Variants in PRKAR2B observed in about 807,000 individuals in gnomAD.
PRKAR2B encodes the protein protein kinase cAMP-dependent type II regulatory subunit beta.
Under a neutral mutation model 49.9 loss-of-function variants are expected in PRKAR2B, and 14 were observed. The ratio of observed to expected loss-of-function variants is 0.28; its 90% CI spans 0.19 to 0.44. The LOEUF (loss-of-function observed/expected upper bound fraction) is 0.44. Ranked by LOEUF, PRKAR2B falls within the 20% of genes least tolerant of loss-of-function variation. The probability of loss-of-function intolerance (pLI) is 1.00; values close to 1 mark genes in which losing one functional copy is unlikely to be tolerated. For synonymous variants in PRKAR2B, 196 were observed against 197.7 expected (o/e 0.99, Z 0.07); for missense variants, 393 against 537.9 (o/e 0.73, Z 2.67).
intron 2 of PRKAR2B, among the ~76,000 whole-genome samples, chr7:107,071,776 G>A (rs144342539): frequency 2.0e-4 from 31 of 152,212 alleles, no homozygotes; most frequent in East Asian, 7.7e-4. Context: ...TACATTATAC[G>A]TATCATTGGC....
At chr7:107,149,960 G>A (rs997441814) in intron 6 of PRKAR2B, among the ~76,000 whole-genome samples, 3 of 151,588 alleles carry the variant, frequency 2.0e-5, no homozygotes, top group Admixed American at 6.6e-5. Flanking sequence ...AACATCTCAT[G>A]TACCCCATAA....
chr7:107,151,095 A>G, intron 7 of PRKAR2B, 72 bp downstream of exon 7: 1 of 875,396 alleles, frequency 1.1e-6, no homozygotes, highest in Non-Finnish European at 1.6e-6. Flanking sequence ...ATTTAGTTCT[A>G]TAGAAAAATT....
Position 107,159,838 on chromosome 7 carries a change from T to C in PRKAR2B, c.*256T>C, listed in dbSNP as rs1161438699. Reference sequence around the variant, plus strand: ...ACTCCACAAAATTATGACTGAAAGGTTTATTAAAATGATTGTAATATATAG... The same window carrying C: ...ACTCCACAAAATTATGACTGAAAGGCTTATTAAAATGATTGTAATATATAG... On this transcript the variant is annotated 3_prime_UTR_variant, in exon 11 of 11. Coordinates refer to ENST00000265717, the MANE Select transcript of PRKAR2B (RefSeq NM_002736.3). 2.8e-6 allele frequency: 1 copy of C among 357,712 alleles called. No individual in the cohort carries two copies. Among genetic ancestry groups the C allele is most frequent in the African/African-American group, 2.1e-5 (1 of 47,916 alleles). The allele number at this position is 357,712 out of a possible 1,614,324, so 22.2% of individuals were successfully genotyped here. A position where few individuals can be genotyped will look rare whatever the true frequency, so the allele number is the denominator to read the frequency against.
At chr7:107,075,297 T>G (rs964124784) in intron 2 of PRKAR2B, among the ~76,000 whole-genome samples, 1 of 152,024 alleles carries the variant, frequency 6.6e-6, no homozygotes, top group Admixed American at 6.6e-5. Context: ...GAGACAGGGT[T>G]TCACCATGTT....
In PRKAR2B at chr7:107,075,324, A is replaced by G. The variant is rs983783123; in HGVS notation, c.343+5008A>G. On this transcript the variant is annotated intron_variant, in intron 2 of 10. Transcript: ENST00000265717. ...CACCATGTTGGCCAGGATGGTCTCAATCTCCTGACCTCGTGATCCGCCCAC... is the reference window on the plus strand; with the variant it reads ...CACCATGTTGGCCAGGATGGTCTCAGTCTCCTGACCTCGTGATCCGCCCAC... Among the ~76,000 whole-genome samples, 7 of 151,622 alleles carry G rather than the reference A, an allele frequency of 4.6e-5. 1 individual carries two copies. Among genetic ancestry groups the G allele is most frequent in the Admixed American group, 4.6e-4 (7 of 15,254 alleles).
chr7:107,078,970 A>T (rs1484024316), intron 2 of PRKAR2B, among the ~76,000 whole-genome samples: 1 of 152,194 alleles, frequency 6.6e-6, no homozygotes, highest in Admixed American at 6.5e-5. Flanking sequence ...TTGCCAGTCG[A>T]TGTGGAAGGG....
intron 7 of PRKAR2B, 21 bp from the exon 8 acceptor site, chr7:107,153,156 A>G (rs749275663): frequency 1.3e-6 from 2 of 1,584,442 alleles, no homozygotes; most frequent in East Asian, 4.5e-5. Context: ...TCTATTTAAT[A>G]TTGTTTTTCT....
chr7:107,096,013 C>T (rs1794829393), intron 2 of PRKAR2B, among the ~76,000 whole-genome samples: 1 of 152,110 alleles, frequency 6.6e-6, no homozygotes, highest in Non-Finnish European at 1.5e-5. Flanking sequence ...TGATGCTGGC[C>T]TCATAAAATG....
chr7:107,066,301 G>GGGGGTGTGTGT (rs147673007), intron 1 of PRKAR2B, among the ~76,000 whole-genome samples: 2 of 145,512 alleles, frequency 1.4e-5, no homozygotes, highest in African/African-American at 5.2e-5. Context: ...CTCTATGTGG[G>GGGGGTGTGTGT]GTGTGTGTGT....
intron 1 of PRKAR2B, among the ~76,000 whole-genome samples, chr7:107,056,561 T>G (rs891564012): frequency 1.3e-5 from 2 of 152,240 alleles, no homozygotes; most frequent in African/African-American, 2.4e-5. Flanking sequence ...CTAGGTATTT[T>G]ATTCTCTTTG....
intron 7 of PRKAR2B, among the ~76,000 whole-genome samples, chr7:107,151,788 C>T (rs1410139481): frequency 2.0e-5 from 3 of 152,116 alleles, no homozygotes; most frequent in African/African-American, 7.2e-5. Flanking sequence ...CGTTGTACTG[C>T]ATATCGCTAG....
chr7:107,076,895 A>G (rs961644986), intron 2 of PRKAR2B, among the ~76,000 whole-genome samples: 1 of 152,222 alleles, frequency 6.6e-6, no homozygotes, highest in Non-Finnish European at 1.5e-5. Flanking sequence ...TCCCCAAGAA[A>G]TTAGTGAAAT....
intron 1 of PRKAR2B, chr7:107,069,997 G>A (rs987863677): frequency 5.4e-5 from 14 of 260,390 alleles, no homozygotes; most frequent in African/African-American, 3.2e-4. Context: ...GTATTGTATT[G>A]CTTTATATGG....
At chr7:107,084,513 C>A (rs1794578086) in intron 2 of PRKAR2B, among the ~76,000 whole-genome samples, 1 of 151,948 alleles carries the variant, frequency 6.6e-6, no homozygotes, top group African/African-American at 2.4e-5. Flanking sequence ...GATTTGCTTA[C>A]AGTTTAGTTC....
chr7:107,117,329 A>G (rs1157248138), intron 2 of PRKAR2B, among the ~76,000 whole-genome samples: 1 of 152,128 alleles, frequency 6.6e-6, no homozygotes, highest in Admixed American at 6.6e-5. Context: ...TGCTTTTGTA[A>G]CAGCTTTATT....
chr7:107,045,939 A>G (rs567081913), intron 1 of PRKAR2B, among the ~76,000 whole-genome samples: 2 of 152,128 alleles, frequency 1.3e-5, no homozygotes, highest in African/African-American at 2.4e-5. Context: ...TTGGTGCTTT[A>G]TTTTTTTAAA....
chr7:107,083,187 A>G (rs115803177), intron 2 of PRKAR2B, among the ~76,000 whole-genome samples: 2,123 of 151,664 alleles, frequency 0.014, 49 homozygotes, highest in African/African-American at 0.05. Context: ...ACTACGCTCC[A>G]GCCTGGGCAA....
At chr7:107,150,717 A>G (rs1412387927) in intron 6 of PRKAR2B, among the ~76,000 whole-genome samples, 1 of 150,254 alleles carries the variant, frequency 6.7e-6, no homozygotes, top group East Asian at 1.9e-4. Context: ...AAAAAAAAAA[A>G]AAAAAGAAAA....
chr7:107,071,373 A>G (rs1387055970), intron 2 of PRKAR2B, among the ~76,000 whole-genome samples: 1 of 152,236 alleles, frequency 6.6e-6, no homozygotes, highest in East Asian at 1.9e-4. Flanking sequence ...GACCAGGTCT[A>G]TAAGGATAAT....
Sources: gnomAD v4.1 joint callset for allele counts (sites outside exome capture counted in the v4.1 genomes callset) on GRCh38, gnomAD v4.1.1 for gene constraint, MANE v1.5 for transcripts, NCBI Gene and HGNC (gene_info 2026-07-23, HGNC 2026-07-21) for gene names.